Variants in KHDRBS2 observed in about 807,000 individuals in gnomAD.
KHDRBS2 encodes KH domain-containing, RNA-binding, signal transduction-associated protein 2.
In KHDRBS2, 26 loss-of-function variants were observed where a neutral mutation model predicts 44.3. The observed-to-expected ratio is 0.59, with a 90% CI of 0.43 to 0.81. KHDRBS2 has a LOEUF of 0.81. KHDRBS2 is among the 40% of genes least tolerant of loss of function. KHDRBS2 has a pLI of 0.00. For missense variants in KHDRBS2, 476 were observed against 433.1 expected, an observed-to-expected ratio of 1.10 and a Z score of -0.88; for synonymous variants, 194 against 151.1, an observed-to-expected ratio of 1.28 and a Z score of -2.08.
rs372513736 is a variant in KHDRBS2 at position 62,159,023 on chromosome 6, C to T, written c.219+18162G>A. The stretch of plus-strand genomic sequence containing the variant: ...TCACATTTATTAAATGCCATGTGAC[C>T]GTCATACAGATCCAAAAAATATATC... On this transcript the variant is annotated intron_variant, in intron 2 of 8. Coordinates refer to ENST00000281156, the MANE Select transcript of KHDRBS2 (RefSeq NM_152688.4). Among the ~76,000 whole-genome samples the T allele has an allele frequency of 6.4e-4, 97 of 151,872 alleles. 1 individual carries two copies. Among genetic ancestry groups the T allele is most frequent in the African/African-American group, 1.8e-3 (76 of 41,432 alleles).
intron 6 of KHDRBS2, among the ~76,000 whole-genome samples, chr6:61,813,642 T>C (rs1454321390): frequency 6.6e-6 from 1 of 152,196 alleles, no homozygotes; most frequent in Non-Finnish European, 1.5e-5. Flanking sequence ...TTCTGTTTTA[T>C]AAATTATAGT....
chr6:62,218,598 A>C (rs1830396243), intron 1 of KHDRBS2, among the ~76,000 whole-genome samples: 1 of 151,780 alleles, frequency 6.6e-6, no homozygotes, highest in Non-Finnish European at 1.5e-5. Flanking sequence ...TTATAAATTT[A>C]AAATAAAATC....
At chr6:61,612,310 T>C in the KHDRBS2 span, among the ~76,000 whole-genome samples, 1,443 of 152,298 alleles carry the variant, frequency 9.5e-3, 29 homozygotes, top group African/African-American at 0.033. Flanking sequence ...ATAACAGGTC[T>C]TTTTATAAAA....
At position 61,773,805 on chromosome 6, in the gene KHDRBS2, T is replaced by C. The variant is rs1300052569; in HGVS notation, c.811-41041A>G. The stretch of plus-strand genomic sequence containing the variant: ...TAATGTTTAAGTCTTTAAACCATCT[T>C]GAATTAATTTTTGTATAAGGTGTAA... On this transcript the variant is annotated intron_variant, in intron 6 of 8. Coordinates refer to ENST00000281156, the MANE Select transcript of KHDRBS2 (RefSeq NM_152688.4). Among the ~76,000 whole-genome samples, 25 of 150,628 alleles carry C rather than the reference T, an allele frequency of 1.7e-4. No individual in the cohort carries two copies. In the East Asian group the frequency reaches 3.9e-3, roughly 23 times the overall value.
At chr6:61,768,559 C>T (rs954373387) in intron 6 of KHDRBS2, among the ~76,000 whole-genome samples, 1 of 151,864 alleles carries the variant, frequency 6.6e-6, no homozygotes, top group African/African-American at 2.4e-5. Flanking sequence ...TCCTTTTTCT[C>T]CTGTCTCCCT....
chr6:61,634,632 T>G, the KHDRBS2 span, among the ~76,000 whole-genome samples: 175 of 152,170 alleles, frequency 1.2e-3, 1 homozygote, highest in South Asian at 0.018. Flanking sequence ...TCAATTTATT[T>G]TAGGAAAGCA....
At chr6:61,797,725 TTGTGTG>T (rs56038952) in intron 6 of KHDRBS2, among the ~76,000 whole-genome samples, 25,425 of 114,674 alleles carry the variant, frequency 0.22, 2,254 homozygotes, top group Non-Finnish European at 0.26. Context: ...GTATGGTGTT[TTGTGTG>T]TGTGTGTGTG....
the KHDRBS2 span, among the ~76,000 whole-genome samples, chr6:61,606,380 A>C: frequency 0.19 from 29,538 of 152,148 alleles, 3,355 homozygotes; most frequent in South Asian, 0.33. Flanking sequence ...CAGTGCCAAA[A>C]ATGAACGGGC....
the KHDRBS2 span, among the ~76,000 whole-genome samples, chr6:61,669,748 T>G: frequency 6.6e-6 from 1 of 151,094 alleles, no homozygotes; most frequent in East Asian, 2.0e-4. Context: ...TTATCACCAT[T>G]TTACCTATAA....
chr6:61,736,096 T>G (rs1334535984), intron 6 of KHDRBS2, among the ~76,000 whole-genome samples: 1 of 151,536 alleles, frequency 6.6e-6, no homozygotes, highest in Non-Finnish European at 1.5e-5. Flanking sequence ...ATTTTTTTTC[T>G]TTCTTTCTTT....
intron 2 of KHDRBS2, among the ~76,000 whole-genome samples, chr6:62,151,661 G>A (rs972156926): frequency 6.6e-6 from 1 of 152,112 alleles, no homozygotes; most frequent in East Asian, 1.9e-4. Flanking sequence ...TACTCAACCT[G>A]TTAGGTGGTG....
At chr6:61,913,019 C>G (rs1806329434) in intron 4 of KHDRBS2, among the ~76,000 whole-genome samples, 1 of 152,064 alleles carries the variant, frequency 6.6e-6, no homozygotes, top group Non-Finnish European at 1.5e-5. Flanking sequence ...TATCAAGTGC[C>G]TTCATCACAG....
intron 6 of KHDRBS2, among the ~76,000 whole-genome samples, chr6:61,889,795 G>A (rs1209445528): frequency 6.6e-6 from 1 of 152,124 alleles, no homozygotes; most frequent in Non-Finnish European, 1.5e-5. Flanking sequence ...AATGTTATTT[G>A]CTACCTCTCC....
chr6:61,876,093 A>G (rs1045195821), intron 6 of KHDRBS2, among the ~76,000 whole-genome samples: 1 of 152,056 alleles, frequency 6.6e-6, no homozygotes, highest in African/African-American at 2.4e-5. Flanking sequence ...TTAAAAGATT[A>G]GGTTTTGCAG....
At chr6:61,872,299 G>A (rs1161161507) in intron 6 of KHDRBS2, among the ~76,000 whole-genome samples, 1 of 152,070 alleles carries the variant, frequency 6.6e-6, no homozygotes, top group African/African-American at 2.4e-5. Flanking sequence ...TGTATATTTT[G>A]TTAAGTATAG....
the KHDRBS2 span, among the ~76,000 whole-genome samples, chr6:61,602,377 G>A: frequency 1.3e-5 from 2 of 152,108 alleles, no homozygotes; most frequent in Non-Finnish European, 2.9e-5. Context: ...CTTGCTACGA[G>A]TGCCAGAAAT....
intron 3 of KHDRBS2, among the ~76,000 whole-genome samples, chr6:62,044,318 A>G (rs1314128189): frequency 2.6e-5 from 4 of 151,844 alleles, no homozygotes; most frequent in Non-Finnish European, 5.9e-5. Flanking sequence ...TCTACAAAAA[A>G]TTTTAAAATT....
the KHDRBS2 span, among the ~76,000 whole-genome samples, chr6:61,598,857 T>C: frequency 1.8e-5 from 2 of 110,986 alleles, no homozygotes; most frequent in African/African-American, 3.7e-5. Context: ...TTTTTTTTTT[T>C]TGCACATCAG....
intron 6 of KHDRBS2, among the ~76,000 whole-genome samples, chr6:61,879,022 G>T (rs1229256929): frequency 1.3e-5 from 2 of 151,842 alleles, no homozygotes; most frequent in African/African-American, 2.4e-5. Context: ...GACTTCTAAA[G>T]AACTTGACTA....
Sources: gnomAD v4.1 joint callset for allele counts (sites outside exome capture counted in the v4.1 genomes callset) on GRCh38, gnomAD v4.1.1 for gene constraint, MANE v1.5 for transcripts, NCBI Gene and HGNC (gene_info 2026-07-23, HGNC 2026-07-21) for gene names.